The following UBE2L3 variants were observed in gnomAD, a reference collection of about 807,000 sequenced individuals.
UBE2L3 encodes the protein ubiquitin-conjugating enzyme E2 L3.
UBE2L3 carries 1 observed loss-of-function variant against 17.8 expected under a neutral mutation model. That is an observed-to-expected ratio of 0.06 (90% CI 0.02 to 0.27). UBE2L3 has a LOEUF of 0.27. UBE2L3 is among the 10% of genes least tolerant of loss of function. The pLI is 1.00. For missense variants in UBE2L3, 40 were observed against 192.6 expected, an observed-to-expected ratio of 0.21 and a Z score of 4.69; for synonymous variants, 44 against 68.5, an observed-to-expected ratio of 0.64 and a Z score of 1.76.
chr22:21,585,142 C>T (rs1362471232), intron 1 of UBE2L3, among the ~76,000 whole-genome samples: 2 of 152,156 alleles, frequency 1.3e-5, no homozygotes, highest in Non-Finnish European at 2.9e-5. Flanking sequence ...TTGTCCTGAG[C>T]AGCCCTTATT....
intron 1 of UBE2L3, among the ~76,000 whole-genome samples, chr22:21,586,501 C>T (rs1927941727): frequency 6.6e-6 from 1 of 151,628 alleles, no homozygotes; most frequent in African/African-American, 2.4e-5. Flanking sequence ...AAACTCCTGA[C>T]CTCAAGTGAT....
chr22:21,609,614 G>A (rs1301800340), intron 2 of UBE2L3, among the ~76,000 whole-genome samples: 2 of 151,874 alleles, frequency 1.3e-5, no homozygotes. Context: ...AGGCTGAGGT[G>A]GGAGGATTGC....
intron 1 of UBE2L3, among the ~76,000 whole-genome samples, chr22:21,592,660 G>A (rs1301391362): frequency 1.3e-5 from 2 of 152,182 alleles, no homozygotes; most frequent in Admixed American, 1.3e-4. Flanking sequence ...CTGGGGCATG[G>A]GGAGAGGCAA....
chr22:21,568,807 A>C (rs1354573697), intron 1 of UBE2L3, among the ~76,000 whole-genome samples: 1 of 152,158 alleles, frequency 6.6e-6, no homozygotes, highest in African/African-American at 2.4e-5. Context: ...TAGGCGGAGC[A>C]GTGCTTGGTA....
chr22:21,594,078 C>T (rs1242171968), intron 2 of UBE2L3, among the ~76,000 whole-genome samples: 5 of 152,246 alleles, frequency 3.3e-5, no homozygotes, highest in Admixed American at 6.5e-5. Flanking sequence ...AGCTCACACC[C>T]TTGTCCTGCG....
intron 3 of UBE2L3, chr22:21,614,446 A>G: frequency 1.8e-6 from 1 of 567,232 alleles, no homozygotes; most frequent in Non-Finnish European, 3.0e-6. Context: ...AAAAAGAAAG[A>G]AAGAAAGGGA....
chr22:21,561,043 G>T (rs547767153), intron 1 of UBE2L3, among the ~76,000 whole-genome samples: 1 of 152,232 alleles, frequency 6.6e-6, no homozygotes, highest in Non-Finnish European at 1.5e-5. Context: ...GAAGGAAGGT[G>T]GGAGGGAGAA....
At chr22:21,584,054 T>C (rs1274141015) in intron 1 of UBE2L3, among the ~76,000 whole-genome samples, 1 of 152,046 alleles carries the variant, frequency 6.6e-6, no homozygotes. Flanking sequence ...TTTGTATTTT[T>C]AGTAGAGACG....
chr22:21,601,967 CAAAAA>C (rs781689880), intron 2 of UBE2L3, among the ~76,000 whole-genome samples: 4 of 104,480 alleles, frequency 3.8e-5, no homozygotes, highest in Non-Finnish European at 4.0e-5. Flanking sequence ...GACTCCATCT[CAAAAA>C]AAAAAAAAAA....
upstream of UBE2L3, among the ~76,000 whole-genome samples, chr22:21,564,226 G>T (rs745390443): frequency 2.0e-5 from 3 of 151,784 alleles, no homozygotes; most frequent in Non-Finnish European, 2.9e-5. Flanking sequence ...TTGAGACGGG[G>T]TCTCCCTATG....
At chr22:21,607,314 C>G (rs1183080031) in intron 2 of UBE2L3, among the ~76,000 whole-genome samples, 3 of 151,432 alleles carry the variant, frequency 2.0e-5, no homozygotes, top group African/African-American at 7.3e-5. Flanking sequence ...CAAGACCAGG[C>G]TGGCCAACAT....
intron 2 of UBE2L3, among the ~76,000 whole-genome samples, chr22:21,596,673 G>A (rs973427662): frequency 6.6e-6 from 1 of 152,070 alleles, no homozygotes; most frequent in Admixed American, 6.6e-5. Flanking sequence ...TTTTAGTAGA[G>A]ACTGGGTTTC....
intron 2 of UBE2L3, among the ~76,000 whole-genome samples, chr22:21,597,134 A>C (rs1216100592): frequency 6.6e-6 from 1 of 151,512 alleles, no homozygotes; most frequent in Non-Finnish European, 1.5e-5. Flanking sequence ...GTGCACCACC[A>C]CACCTGGCTA....
intron 1 of UBE2L3, among the ~76,000 whole-genome samples, chr22:21,579,746 C>T (rs972830168): frequency 2.0e-5 from 3 of 151,700 alleles, no homozygotes; most frequent in Non-Finnish European, 4.4e-5. Context: ...ACTCCAGCGT[C>T]GGCAACAAAG....
chr22:21,587,409 G>A (rs1425230320), intron 1 of UBE2L3, among the ~76,000 whole-genome samples: 3 of 151,578 alleles, frequency 2.0e-5, no homozygotes, highest in East Asian at 1.9e-4. Context: ...TCGATCTCCT[G>A]ACCTCGTGAT....
upstream of UBE2L3, among the ~76,000 whole-genome samples, chr22:21,565,971 C>CATT (rs1926615236): frequency 2.4e-5 from 3 of 122,648 alleles, no homozygotes; most frequent in East Asian, 2.7e-4. Context: ...CAGAGTACTC[C>CATT]TTTTTTTTTT....
intron 1 of UBE2L3, among the ~76,000 whole-genome samples, chr22:21,587,583 A>G (rs1928016278): frequency 6.6e-6 from 1 of 152,316 alleles, no homozygotes; most frequent in Middle Eastern, 3.4e-3. Flanking sequence ...TGTAGACCCC[A>G]AAAAGAAGCA....
At chr22:21,567,868 G>A in intron 1 of UBE2L3, 97 bp downstream of exon 1, 1 of 1,547,270 alleles carries the variant, frequency 6.5e-7, no homozygotes, top group East Asian at 2.4e-5. Context: ...CTGCCGTCTG[G>A]CTTCCTGCCC....
chr22:21,569,117 G>T (rs1319680633), intron 1 of UBE2L3, among the ~76,000 whole-genome samples: 2 of 149,646 alleles, frequency 1.3e-5, no homozygotes, highest in Non-Finnish European at 3.0e-5. Context: ...AGTGCAGGCC[G>T]GGCGCGATGG....
Sources: allele counts gnomAD v4.1 joint callset (sites outside exome capture counted in the v4.1 genomes callset), GRCh38; gene constraint gnomAD v4.1.1; transcripts MANE v1.5; gene names NCBI Gene and HGNC (gene_info 2026-07-23, HGNC 2026-07-21).